Variants in CFAP44 observed in about 807,000 individuals in gnomAD.
The protein encoded by CFAP44 is cilia and flagella associated protein 44.
CFAP44 carries 134 observed loss-of-function variants against 216.2 expected under a neutral mutation model. That is an observed-to-expected ratio of 0.62 (90% CI 0.54 to 0.72). The LOEUF (loss-of-function observed/expected upper bound fraction) is 0.72. Among genes scored for constraint, CFAP44 ranks in the 30% least tolerant of loss-of-function variants. CFAP44 has a pLI of 0.00. For synonymous variants in CFAP44, 700 were observed against 727.6 expected (o/e 0.96, Z 0.61); for missense variants, 2,035 against 2,182.1 (o/e 0.93, Z 1.34).
intron 24 of CFAP44, among the ~76,000 whole-genome samples, chr3:113,337,032 A>C (rs996959634): frequency 6.6e-6 from 1 of 151,352 alleles, no homozygotes; most frequent in Non-Finnish European, 1.5e-5. Flanking sequence ...TCCTGTTTAC[A>C]AATGACATGG....
chr3:113,358,927 T>C, intron 21 of CFAP44, 52 bp from the exon 22 acceptor site: 1 of 1,495,570 alleles, frequency 6.7e-7, no homozygotes. Flanking sequence ...CAACTCTGTT[T>C]CATATATTTC....
intron 17 of CFAP44, among the ~76,000 whole-genome samples, chr3:113,376,758 T>C (rs1045676898): frequency 3.3e-5 from 5 of 152,194 alleles, no homozygotes; most frequent in Non-Finnish European, 7.3e-5. Context: ...ATTCTTTCAA[T>C]AACTTTTTAT....
At chr3:113,364,926 T>A (rs1005821983) in intron 19 of CFAP44, among the ~76,000 whole-genome samples, 28 of 151,910 alleles carry the variant, frequency 1.8e-4, no homozygotes, top group East Asian at 3.9e-4. Flanking sequence ...TTGTTTTTTT[T>A]AAAAAAAATC....
chr3:113,420,310 T>C, intron 4 of CFAP44, 131 bp from the exon 5 acceptor site: 2 of 912,926 alleles, frequency 2.2e-6, no homozygotes, highest in Non-Finnish European at 3.0e-6. Flanking sequence ...AATTTTACCC[T>C]GAAACTCATG....
intron 22 of CFAP44, among the ~76,000 whole-genome samples, chr3:113,354,735 T>C (rs1157110390): frequency 6.6e-6 from 1 of 152,130 alleles, no homozygotes; most frequent in Non-Finnish European, 1.5e-5. Context: ...TCATAATATC[T>C]TGGGAGCTCT....
Position 113,363,274 on chromosome 3 carries a change from G to C in CFAP44, c.2805C>G (p.Asp935Glu). 1 of 1,611,772 alleles carries C rather than the reference G, an allele frequency of 6.2e-7. No individual in the cohort carries two copies. Among genetic ancestry groups the C allele is most frequent in the African/African-American group, 1.3e-5 (1 of 74,924 alleles). ...IENARRKREHDKLMKEVGEIK... is the reference protein window; with the variant it reads ...IENARRKREHEKLMKEVGEIK... ...TTTCTCCCACTTCTTTCATTAACTT[G>C]TCATGTTCTCTTTTTCTCCTAGCAT... The change falls in exon 21 of 35, where the codon GAC becomes GAG. Residue 935 changes from aspartate to glutamate, a missense_variant. Physicochemically the swap from Asp to Glu is conservative, Grantham distance 45. Around this residue, in one of 3 missense-constraint regions of CFAP44, gnomAD observed 1,883 missense variants for 2,023.7 expected, o/e 0.93. Coordinates refer to ENST00000393845, the MANE Select transcript of CFAP44 (RefSeq NM_001164496.2).
At chr3:113,305,680 T>C (rs552015060) in intron 30 of CFAP44, among the ~76,000 whole-genome samples, 2 of 152,350 alleles carry the variant, frequency 1.3e-5, no homozygotes, top group African/African-American at 4.8e-5. Context: ...AGTTAAGTGA[T>C]GTTGCTCTAG....
chr3:113,300,142 G>A (rs555444793), intron 32 of CFAP44, among the ~76,000 whole-genome samples: 5 of 152,246 alleles, frequency 3.3e-5, no homozygotes, highest in African/African-American at 9.6e-5. Context: ...TCCCTTATTC[G>A]TGAGAGCTAA....
chr3:113,371,908 G>T (rs1056194860), intron 18 of CFAP44, among the ~76,000 whole-genome samples: 4 of 152,148 alleles, frequency 2.6e-5, no homozygotes, highest in African/African-American at 9.7e-5. Context: ...CCATCAAAAA[G>T]TGGGCAAAGG....
chr3:113,333,706 A>T, intron 24 of CFAP44, 123 bp from the exon 25 acceptor site: 2 of 1,160,552 alleles, frequency 1.7e-6, no homozygotes, highest in Non-Finnish European at 2.3e-6. Context: ...CAAATCTGTG[A>T]TGCCACTTTT....
rs138797280 is a variant in CFAP44 at position 113,399,894 on chromosome 3, C to CT, written c.1569+11_1569+12insA. The CT allele has an allele frequency of 7.5e-4, 1,170 of 1,554,434 alleles. 14 individuals carry two copies. The East Asian group carries it at 0.025, about 33-fold the overall frequency. ...AATAGATTCTGGTAGTTCATTATAACAACAAACTTACCATTCGGGGTACCC... is the reference window on the plus strand; with the variant it reads ...AATAGATTCTGGTAGTTCATTATAACTAACAAACTTACCATTCGGGGTACCC... On this transcript the variant is annotated intron_variant, in intron 13 of 34. Coordinates refer to ENST00000393845, the MANE Select transcript of CFAP44 (RefSeq NM_001164496.2).
intron 22 of CFAP44, among the ~76,000 whole-genome samples, chr3:113,355,312 A>AG (rs1950483580): frequency 6.6e-6 from 1 of 152,174 alleles, no homozygotes. Flanking sequence ...CGAGGTCAAG[A>AG]GTTCAATATC....
chr3:113,414,696 A>G (rs984410800), intron 6 of CFAP44, among the ~76,000 whole-genome samples: 2 of 152,124 alleles, frequency 1.3e-5, no homozygotes, highest in African/African-American at 4.8e-5. Flanking sequence ...AGCCTTGCAT[A>G]CCAGGGATGA....
Position 113,304,125 on chromosome 3 carries a change from CATAAAACAAATCA to C in CFAP44, c.4876-21_4876-9del. 6.5e-7 allele frequency: 1 copy of C among 1,529,860 alleles called. No individual in the cohort carries two copies. Among genetic ancestry groups the C allele is most frequent in the South Asian group, 1.2e-5 (1 of 82,870 alleles). The allele number at this position is 1,529,860 out of a possible 1,614,324, so 94.8% of individuals were successfully genotyped here. A position where few individuals can be genotyped will look rare whatever the true frequency, so the allele number is the denominator to read the frequency against. On this transcript the variant is annotated splice_polypyrimidine_tract_variant and intron_variant, in intron 31 of 34. Transcript: ENST00000393845. ...AAATACCACATACTCTATCTACAAG[CATAAAACAAATCA>C]AAAGAAAATAGACAAAAACACAGAT...
At position 113,426,858 on chromosome 3, in the gene CFAP44, C is replaced by T. The variant is rs144958590; in HGVS notation, c.253+329G>A. 2.5e-3 allele frequency: 649 copies of T among 263,280 alleles called. 4 individuals carry two copies. The highest frequency in any genetic ancestry group is 0.014 in the African/African-American group (613 of 43,828). 16.3% of individuals were successfully genotyped at this position (263,280 alleles called of 1,614,324 possible). A position where few individuals can be genotyped will look rare whatever the true frequency, so the allele number is the denominator to read the frequency against. ...TCAGGAGTAAATGCTGAGTTCTGGT[C>T]GGTCATGGCGCAACAGTCTCCAAGG... On this transcript the variant is annotated intron_variant, in intron 3 of 34. Transcript: ENST00000393845.
At chr3:113,378,468 A>G (rs1933413494) in intron 17 of CFAP44, among the ~76,000 whole-genome samples, 1 of 152,132 alleles carries the variant, frequency 6.6e-6, no homozygotes, top group Admixed American at 6.5e-5. Context: ...TTGAGGAGGG[A>G]AAAAGTCAAC....
chr3:113,406,750 A>C (rs1332611770), intron 8 of CFAP44, among the ~76,000 whole-genome samples, 177 bp downstream of exon 8: 1 of 152,226 alleles, frequency 6.6e-6, no homozygotes, highest in Non-Finnish European at 1.5e-5. Flanking sequence ...GGATTATGAC[A>C]ATTTCAGGGA....
chr3:113,396,753 C>T, intron 13 of CFAP44, 26 bp from the exon 14 acceptor site: 1 of 1,599,902 alleles, frequency 6.3e-7, no homozygotes, highest in Non-Finnish European at 8.5e-7. Context: ...AGATAAGGGA[C>T]CTGAAACTAG....
chr3:113,417,990 C>T (rs1224589297), intron 5 of CFAP44, among the ~76,000 whole-genome samples: 2 of 152,038 alleles, frequency 1.3e-5, no homozygotes, highest in African/African-American at 4.8e-5. Flanking sequence ...AAGTTTCTGC[C>T]TCATATTGGA....
Sources: allele counts gnomAD v4.1 joint callset (sites outside exome capture counted in the v4.1 genomes callset), GRCh38; gene constraint gnomAD v4.1.1; regional missense constraint gnomAD v4.1.1; transcripts MANE v1.5; gene names NCBI Gene and HGNC (gene_info 2026-07-23, HGNC 2026-07-21).